ZNF248: variants seen among roughly 807,000 people sequenced by gnomAD.
ZNF248 encodes zinc finger protein 248, also known as KRAB protein domain.
In ZNF248, 20 loss-of-function variants were observed where a neutral mutation model predicts 44.3. That is an observed-to-expected ratio of 0.45 (90% CI 0.32 to 0.66). The LOEUF is 0.66. ZNF248 is among the 30% of genes least tolerant of loss of function. The probability of loss-of-function intolerance (pLI) is 0.04; values close to 1 mark genes in which losing one functional copy is unlikely to be tolerated. For missense variants in ZNF248, 654 were observed against 677.0 expected (o/e 0.97, Z 0.38); for synonymous variants, 224 against 229.0 (o/e 0.98, Z 0.20).
intron 6 of ZNF248, among the ~76,000 whole-genome samples, chr10:37,793,681 T>C (rs973393264): frequency 3.3e-5 from 5 of 152,220 alleles, no homozygotes; most frequent in Non-Finnish European, 7.4e-5. Context: ...ATTCCTGTGA[T>C]GCAACATATG....
In ZNF248 at chr10:37,857,331, C is replaced by A. The variant is rs1148295; in HGVS notation, c.-272G>T. 9,126 of 152,436 alleles carry A rather than the reference C, an allele frequency of 0.06. 353 individuals are homozygous for A. Among genetic ancestry groups the A allele is most frequent in the Middle Eastern group, 0.095 (28 of 296 alleles). 9.4% of individuals were successfully genotyped at this position (152,436 alleles called of 1,614,324 possible). On this transcript the variant is annotated 5_prime_UTR_variant, in exon 1 of 6. Transcript: ENST00000395867. ...GGGATAGGAGGGCGGTCAGAGCCAG[C>A]AGGGGCCCTGGTGGTCAGCTAGGCC...
chr10:37,825,911 G>A (rs555378186), downstream of ZNF248, among the ~76,000 whole-genome samples: 2 of 151,580 alleles, frequency 1.3e-5, no homozygotes, highest in African/African-American at 4.9e-5. Flanking sequence ...AAAAAAAAAG[G>A]GGGGGAGAGA....
chr10:37,812,099 T>C (rs1016627417), intron 6 of ZNF248, among the ~76,000 whole-genome samples: 2 of 151,994 alleles, frequency 1.3e-5, no homozygotes, highest in African/African-American at 4.8e-5. Context: ...TAGCCGGTCA[T>C]GGTGGCACAT....
chr10:37,821,280 G>A (rs1002980037), intron 6 of ZNF248, among the ~76,000 whole-genome samples: 4 of 152,036 alleles, frequency 2.6e-5, no homozygotes, highest in African/African-American at 7.3e-5. Flanking sequence ...TTAACTCTCA[G>A]AATAACCCCA....
chr10:37,837,195 C>T (rs1015624601), intron 5 of ZNF248, among the ~76,000 whole-genome samples: 2 of 151,954 alleles, frequency 1.3e-5, no homozygotes, highest in Non-Finnish European at 2.9e-5. Context: ...CTCACTGCAA[C>T]CTCCACCTCC....
At position 37,846,980 on chromosome 10, in the gene ZNF248, T is replaced by C. The variant is rs1259534514; in HGVS notation, c.16-8869A>G. Among the ~76,000 whole-genome samples, 6 of 152,332 alleles carry C rather than the reference T, an allele frequency of 3.9e-5. No homozygotes were observed. In the East Asian group the frequency reaches 1.2e-3, roughly 29 times the overall value. Reference sequence around the variant, plus strand: ...AATGCAAAAACTGGGAAACACCGATTATACATTAAGAAATTTTCAAATTTT... The same window carrying C: ...AATGCAAAAACTGGGAAACACCGATCATACATTAAGAAATTTTCAAATTTT... On this transcript the variant is annotated intron_variant, in intron 3 of 5. Transcript: ENST00000395867.
intron 6 of ZNF248, among the ~76,000 whole-genome samples, chr10:37,821,574 C>T (rs1176815734): frequency 6.6e-6 from 1 of 152,270 alleles, no homozygotes; most frequent in Non-Finnish European, 1.5e-5. Flanking sequence ...GAATTAAGGC[C>T]TGCACATTTT....
At chr10:37,781,514 G>T (rs1283096448) in intron 6 of ZNF248, among the ~76,000 whole-genome samples, 1 of 152,176 alleles carries the variant, frequency 6.6e-6, no homozygotes, top group Non-Finnish European at 1.5e-5. Flanking sequence ...ATTTGTAACA[G>T]TTTTTCCTGT....
chr10:37,842,096 C>T (rs2134263476), intron 3 of ZNF248, among the ~76,000 whole-genome samples: 1 of 152,200 alleles, frequency 6.6e-6, no homozygotes, highest in Non-Finnish European at 1.5e-5. Flanking sequence ...AAATGTACTA[C>T]ATTAATATGT....
chr10:37,841,851 AACTGAGGGAC>A (rs1216754268), intron 3 of ZNF248, among the ~76,000 whole-genome samples: 1 of 152,202 alleles, frequency 6.6e-6, no homozygotes, highest in Non-Finnish European at 1.5e-5. Context: ...GACAAATATC[AACTGAGGGAC>A]ATTCTACAAA....
intron 6 of ZNF248, chr10:37,819,717 A>G: frequency 1.3e-6 from 1 of 782,338 alleles, no homozygotes. Flanking sequence ...TGTTCATGGT[A>G]TTCTGCTAAT....
At chr10:37,807,155 T>C (rs915045175) in intron 6 of ZNF248, among the ~76,000 whole-genome samples, 1 of 152,048 alleles carries the variant, frequency 6.6e-6, no homozygotes, top group African/African-American at 2.4e-5. Context: ...TCCAGCATCA[T>C]TTTTTTAAGA....
intron 6 of ZNF248, among the ~76,000 whole-genome samples, chr10:37,802,394 G>A (rs1169710162): frequency 6.6e-6 from 1 of 152,194 alleles, no homozygotes; most frequent in East Asian, 1.9e-4. Context: ...AAGAACAGGA[G>A]AGACGCTGTG....
At chr10:37,767,473 C>T in the ZNF248 span, among the ~76,000 whole-genome samples, 4 of 152,220 alleles carry the variant, frequency 2.6e-5, no homozygotes, top group Non-Finnish European at 4.4e-5. Flanking sequence ...CAATATTCAA[C>T]ATTCTTAAAG....
chr10:37,770,124 G>C, the ZNF248 span, among the ~76,000 whole-genome samples: 1 of 152,072 alleles, frequency 6.6e-6, no homozygotes, highest in Non-Finnish European at 1.5e-5. Flanking sequence ...AAATAAAAGA[G>C]GATACAAACA....
At chr10:37,788,765 A>G (rs1231972625) in intron 6 of ZNF248, among the ~76,000 whole-genome samples, 1 of 152,244 alleles carries the variant, frequency 6.6e-6, no homozygotes, top group Non-Finnish European at 1.5e-5. Flanking sequence ...GATGTTGAGG[A>G]TATGGAGAAA....
intron 6 of ZNF248, among the ~76,000 whole-genome samples, chr10:37,800,848 G>C (rs967145950): frequency 6.6e-6 from 1 of 150,860 alleles, no homozygotes; most frequent in Non-Finnish European, 1.5e-5. Flanking sequence ...TGCAACCTCT[G>C]CCTCCCTGGT....
chr10:37,801,142 T>C (rs1036128478), intron 6 of ZNF248, among the ~76,000 whole-genome samples: 1 of 151,874 alleles, frequency 6.6e-6, no homozygotes, highest in Non-Finnish European at 1.5e-5. Flanking sequence ...CTTGGGAGGC[T>C]GAGGCAGGCA....
At chr10:37,856,151 C>T in intron 3 of ZNF248, 145 bp downstream of exon 3, 1 of 820,690 alleles carries the variant, frequency 1.2e-6, no homozygotes, top group South Asian at 2.3e-5. Flanking sequence ...GCCAACTGCA[C>T]TATTTTGGAT....
Sources: gnomAD v4.1 joint callset for allele counts (sites outside exome capture counted in the v4.1 genomes callset) on GRCh38, gnomAD v4.1.1 for gene constraint, MANE v1.5 for transcripts, NCBI Gene and HGNC (gene_info 2026-07-23, HGNC 2026-07-21) for gene names.